The following LRP1B variants were observed in gnomAD, a reference collection of about 807,000 sequenced individuals.
LRP1B encodes low-density lipoprotein receptor-related protein 1B.
A neutral mutation model predicts 556.6 loss-of-function variants in LRP1B; 217 were observed. The ratio of observed to expected loss-of-function variants is 0.39; its 90% CI spans 0.35 to 0.44. LRP1B has a LOEUF of 0.44. LRP1B is among the 20% of genes least tolerant of loss of function. The pLI is 1.00. For synonymous variants in LRP1B, 2,047 were observed against 1,865.8 expected (o/e 1.10, Z -2.50); for missense variants, 5,053 against 5,620.8 (o/e 0.90, Z 3.23).
intron 1 of LRP1B, among the ~76,000 whole-genome samples, chr2:142,002,025 A>G (rs1702671007): frequency 6.6e-6 from 1 of 152,172 alleles, no homozygotes; most frequent in Admixed American, 6.6e-5. Context: ...TTCAACTAAA[A>G]AAGGAAAATA....
At chr2:141,248,536 A>G (rs1338923004) in intron 4 of LRP1B, among the ~76,000 whole-genome samples, 2 of 152,170 alleles carry the variant, frequency 1.3e-5, no homozygotes, top group Non-Finnish European at 2.9e-5. Flanking sequence ...TCAAAATGGC[A>G]TGCGAACGGT....
chr2:141,760,492 T>C (rs1694503422), intron 2 of LRP1B, among the ~76,000 whole-genome samples: 1 of 152,226 alleles, frequency 6.6e-6, no homozygotes, highest in Non-Finnish European at 1.5e-5. Context: ...TTTATTATTT[T>C]ATGGTATGTA....
intron 63 of LRP1B, among the ~76,000 whole-genome samples, chr2:140,445,589 G>C (rs1686622899): frequency 6.9e-6 from 1 of 145,278 alleles, no homozygotes; most frequent in Non-Finnish European, 1.5e-5. Flanking sequence ...TGACTCCCAA[G>C]TGATAATGCA....
At chr2:141,024,481 G>T (rs2105403809) in intron 11 of LRP1B, among the ~76,000 whole-genome samples, 1 of 152,004 alleles carries the variant, frequency 6.6e-6, no homozygotes, top group Non-Finnish European at 1.5e-5. Flanking sequence ...ACTCTCAATG[G>T]GTCAGGGGAT....
chr2:140,749,375 CA>C (rs891065150), intron 35 of LRP1B, among the ~76,000 whole-genome samples: 3 of 128,412 alleles, frequency 2.3e-5, no homozygotes, highest in African/African-American at 5.6e-5. Context: ...AACTTTTAAA[CA>C]TTTTTTTTTT....
intron 2 of LRP1B, among the ~76,000 whole-genome samples, chr2:141,619,726 G>C (rs1417669589): frequency 6.6e-6 from 1 of 152,156 alleles, no homozygotes; most frequent in Non-Finnish European, 1.5e-5. Flanking sequence ...CACAAGATAA[G>C]ATTAGAGGAT....
intron 2 of LRP1B, among the ~76,000 whole-genome samples, chr2:141,580,760 C>T (rs546804198): frequency 1.3e-5 from 2 of 152,192 alleles, no homozygotes; most frequent in East Asian, 1.9e-4. Context: ...CAAACACCTT[C>T]GAGTTTTGAA....
At chr2:140,410,056 TCTA>T (rs1472394980) in intron 66 of LRP1B, among the ~76,000 whole-genome samples, 1 of 152,090 alleles carries the variant, frequency 6.6e-6, no homozygotes, top group African/African-American at 2.4e-5. Flanking sequence ...ATGGTATCTC[TCTA>T]CTGAGTGTAA....
chr2:140,833,078 G>A (rs769370996), intron 31 of LRP1B, among the ~76,000 whole-genome samples: 1 of 152,142 alleles, frequency 6.6e-6, no homozygotes, highest in Non-Finnish European at 1.5e-5. Context: ...AGTGTGCCCT[G>A]TGATGAAATA....
intron 1 of LRP1B, among the ~76,000 whole-genome samples, chr2:142,039,070 C>A (rs1417397041): frequency 2.6e-5 from 4 of 151,514 alleles, no homozygotes; most frequent in African/African-American, 9.7e-5. Flanking sequence ...GACTTCCATG[C>A]ACCAACATTT....
intron 87 of LRP1B, among the ~76,000 whole-genome samples, chr2:140,241,315 TA>T (rs1188442663): frequency 6.6e-6 from 1 of 150,882 alleles, no homozygotes; most frequent in East Asian, 2.0e-4. Context: ...CTTCAAAAAC[TA>T]TGACTTCAAC....
At chr2:140,480,753 T>C (rs1347548563) in intron 59 of LRP1B, among the ~76,000 whole-genome samples, 1 of 152,186 alleles carries the variant, frequency 6.6e-6, no homozygotes, top group Non-Finnish European at 1.5e-5. Context: ...TAACAGGCTA[T>C]TGTCAGAATT....
At chr2:141,062,357 T>C in intron 7 of LRP1B, 84 bp from the exon 8 acceptor site, 2 of 787,052 alleles carry the variant, frequency 2.5e-6, no homozygotes, top group East Asian at 5.2e-5. Flanking sequence ...AACAGAACTT[T>C]TTCTTCTAAT....
At chr2:141,038,902 G>A (rs1206452931) in intron 11 of LRP1B, among the ~76,000 whole-genome samples, 2 of 151,960 alleles carry the variant, frequency 1.3e-5, no homozygotes, top group Non-Finnish European at 2.9e-5. Context: ...TTATTTAAGT[G>A]TGTAAGAAAA....
At chr2:140,250,441 C>A (rs1681361656) in intron 86 of LRP1B, among the ~76,000 whole-genome samples, 1 of 151,636 alleles carries the variant, frequency 6.6e-6, no homozygotes, top group Admixed American at 6.6e-5. Flanking sequence ...TTTACATCAT[C>A]AAATGAAGGT....
chr2:141,110,449 T>G (rs527877521), intron 7 of LRP1B, among the ~76,000 whole-genome samples: 2 of 152,120 alleles, frequency 1.3e-5, no homozygotes, highest in African/African-American at 4.8e-5. Flanking sequence ...AAGGAAAAGT[T>G]TGCTCATATG....
At chr2:141,176,029 C>G (rs1430316449) in intron 7 of LRP1B, among the ~76,000 whole-genome samples, 1 of 152,104 alleles carries the variant, frequency 6.6e-6, no homozygotes, top group Non-Finnish European at 1.5e-5. Flanking sequence ...TGGCCAATTT[C>G]TCTCTTTTGG....
intron 32 of LRP1B, among the ~76,000 whole-genome samples, chr2:140,784,982 A>C (rs912971097): frequency 1.3e-5 from 2 of 152,242 alleles, no homozygotes; most frequent in East Asian, 3.9e-4. Flanking sequence ...TGAAACTGCC[A>C]AATAAGTTCC....
intron 3 of LRP1B, among the ~76,000 whole-genome samples, chr2:141,395,454 A>G (rs2104913579): frequency 6.6e-6 from 1 of 152,326 alleles, no homozygotes; most frequent in South Asian, 2.1e-4. Context: ...TATACCAGAC[A>G]GATATACCAG....
Sources: allele counts gnomAD v4.1 joint callset (sites outside exome capture counted in the v4.1 genomes callset), GRCh38; gene constraint gnomAD v4.1.1; transcripts MANE v1.5; gene names NCBI Gene and HGNC (gene_info 2026-07-23, HGNC 2026-07-21).